Variants in NCALD observed in about 807,000 individuals in gnomAD.
NCALD encodes neurocalcin delta.
In NCALD, 10 loss-of-function variants were observed where a neutral mutation model predicts 18.6. The ratio of observed to expected loss-of-function variants is 0.54; its 90% confidence interval spans 0.33 to 0.91. The LOEUF (loss-of-function observed/expected upper bound fraction) is 0.91. NCALD is among the 40% of genes least tolerant of loss of function. The pLI is 0.03. For synonymous variants in NCALD, 88 were observed against 87.4 expected, an observed-to-expected ratio of 1.01 and a Z score of -0.04; for missense variants, 184 against 247.6, an observed-to-expected ratio of 0.74 and a Z score of 1.72.
intron 4 of NCALD, chr8:101,847,346 G>T: frequency 4.2e-6 from 1 of 240,154 alleles, no homozygotes. Context: ...TCACGCTCAT[G>T]AGCTACAACA....
chr8:101,702,743 G>A (rs1815328566), intron 2 of NCALD, among the ~76,000 whole-genome samples: 2 of 152,296 alleles, frequency 1.3e-5, no homozygotes, highest in South Asian at 2.1e-4. Flanking sequence ...CCGCAGAAGT[G>A]GCCTCATGGA....
At chr8:102,123,316 G>C (rs1171532600) in intron 1 of NCALD, among the ~76,000 whole-genome samples, 5 of 152,118 alleles carry the variant, frequency 3.3e-5, no homozygotes, top group Non-Finnish European at 5.9e-5. Flanking sequence ...CGGGGCTAGC[G>C]TGTAAGCACA....
At chr8:101,815,761 C>T (rs971014933) in intron 4 of NCALD, among the ~76,000 whole-genome samples, 1 of 152,116 alleles carries the variant, frequency 6.6e-6, no homozygotes, top group African/African-American at 2.4e-5. Flanking sequence ...TAAACATACT[C>T]TTAATATATG....
At chr8:101,992,805 C>T (rs1039441099) in intron 2 of NCALD, among the ~76,000 whole-genome samples, 23 of 152,104 alleles carry the variant, frequency 1.5e-4, no homozygotes, top group African/African-American at 5.5e-4. Context: ...ACAACAGGTG[C>T]TCACTCAACA....
intron 1 of NCALD, chr8:101,745,693 C>T (rs1471973848): frequency 6.6e-6 from 1 of 152,188 alleles, no homozygotes; most frequent in African/African-American, 2.4e-5. Context: ...TCTAACTCAT[C>T]CAAGGGCCTC....
intron 3 of NCALD, among the ~76,000 whole-genome samples, chr8:101,911,615 C>T (rs1817804451): frequency 6.6e-6 from 1 of 152,134 alleles, no homozygotes; most frequent in Non-Finnish European, 1.5e-5. Context: ...CCTCGGCCTC[C>T]CAAAGCGCTG....
chr8:101,809,903 G>C (rs1476509097), intron 4 of NCALD, among the ~76,000 whole-genome samples: 1 of 152,076 alleles, frequency 6.6e-6, no homozygotes, highest in African/African-American at 2.4e-5. Flanking sequence ...CTGTCAGGCT[G>C]ACACTACTGT....
rs533411060 is a variant in NCALD, at chr8:101,730,047, G to T, written c.-19-10399C>A. On this transcript the variant is annotated intron_variant, in intron 1 of 3. Coordinates refer to ENST00000220931, the MANE Select transcript of NCALD (RefSeq NM_032041.3). ...AAAGTGAATATCTTCATTCCGATCC[G>T]ATAGCACTCCATAAAAAGACACTAT... Among the ~76,000 whole-genome samples the T allele has an allele frequency of 1.6e-4, 25 of 152,196 alleles. 1 individual carries two copies. The South Asian group carries it at 5.2e-3, about 32-fold the overall frequency.
chr8:101,837,970 T>C (rs1168148111), intron 4 of NCALD, among the ~76,000 whole-genome samples: 5 of 152,194 alleles, frequency 3.3e-5, no homozygotes, highest in Admixed American at 2.0e-4. Context: ...ATCATGTCTA[T>C]CTTATATACC....
At chr8:101,730,737 G>A (rs764187646) in intron 1 of NCALD, among the ~76,000 whole-genome samples, 12 of 152,066 alleles carry the variant, frequency 7.9e-5, no homozygotes, top group African/African-American at 1.2e-4. Flanking sequence ...AGACATTTAG[G>A]TTGACTCCAC....
At chr8:101,921,718 C>T (rs1180068259) in intron 2 of NCALD, among the ~76,000 whole-genome samples, 1 of 152,088 alleles carries the variant, frequency 6.6e-6, no homozygotes, top group Non-Finnish European at 1.5e-5. Flanking sequence ...TTTCTAGTTC[C>T]AACAATCTAA....
At chr8:101,768,723 C>CAAAAAAAAAAAAAAAAAA (rs71268528) in intron 1 of NCALD, among the ~76,000 whole-genome samples, 3 of 136,824 alleles carry the variant, frequency 2.2e-5, no homozygotes, top group African/African-American at 5.5e-5. Context: ...AACAAAAAAA[C>CAAAAAAAAAAAAAAAAAA]AAAAAAAAAA....
intron 4 of NCALD, among the ~76,000 whole-genome samples, chr8:101,831,044 ACATGATGTGGGG>A (rs772013353): frequency 6.6e-6 from 1 of 152,200 alleles, no homozygotes; most frequent in Non-Finnish European, 1.5e-5. Flanking sequence ...GCTTGAGTGT[ACATGATGTGGGG>A]CTGTCTGACA....
intron 4 of NCALD, among the ~76,000 whole-genome samples, chr8:101,798,044 C>T (rs561791751): frequency 9.2e-5 from 14 of 152,114 alleles, no homozygotes; most frequent in South Asian, 4.2e-4. Flanking sequence ...CAAAAGTATA[C>T]GGCTAATTTT....
At chr8:101,943,291 C>T (rs933086395) in intron 2 of NCALD, among the ~76,000 whole-genome samples, 4 of 152,182 alleles carry the variant, frequency 2.6e-5, no homozygotes, top group African/African-American at 9.7e-5. Context: ...TTACCAACAA[C>T]CAGTTGCTAT....
At chr8:101,757,846 A>G (rs1810951625) in intron 1 of NCALD, among the ~76,000 whole-genome samples, 1 of 152,154 alleles carries the variant, frequency 6.6e-6, no homozygotes, top group South Asian at 2.1e-4. Context: ...TGTTTGCACT[A>G]CTGTACTCAT....
chr8:101,953,472 T>C (rs1257634386), intron 2 of NCALD, among the ~76,000 whole-genome samples: 1 of 152,220 alleles, frequency 6.6e-6, no homozygotes, highest in Non-Finnish European at 1.5e-5. Flanking sequence ...CACTAAATGG[T>C]GTGTAAAACA....
intron 3 of NCALD, among the ~76,000 whole-genome samples, chr8:101,902,538 G>A (rs182190929): frequency 6.6e-6 from 1 of 152,252 alleles, no homozygotes; most frequent in African/African-American, 2.4e-5. Flanking sequence ...GAGCAATGTG[G>A]CTGCTCTGGG....
rs953771995 is a variant in NCALD, at chr8:101,714,735, G to A, written c.378+4517C>T. Among the ~76,000 whole-genome samples, 10 of 145,808 alleles carry A rather than the reference G, an allele frequency of 6.9e-5. 2 individuals are homozygous for A. Among genetic ancestry groups the A allele is most frequent in the African/African-American group, 2.2e-4 (8 of 36,230 alleles). On this transcript the variant is annotated intron_variant, in intron 2 of 3. Coordinates refer to ENST00000220931, the MANE Select transcript of NCALD (RefSeq NM_032041.3). The stretch of plus-strand genomic sequence containing the variant: ...CTGGGGGCCGGGCACGGTGGCTCAC[G>A]CCTGTAATCCCAGCACTTTGGGAGG...
Sources: gnomAD v4.1 joint callset for allele counts (sites outside exome capture counted in the v4.1 genomes callset) on GRCh38, gnomAD v4.1.1 for gene constraint, MANE v1.5 for transcripts, NCBI Gene and HGNC (gene_info 2026-07-23, HGNC 2026-07-21) for gene names.